The following KDM4C variants were observed in gnomAD, a reference collection of about 807,000 sequenced individuals.
KDM4C encodes lysine-specific demethylase 4C.
A neutral mutation model predicts 129.3 loss-of-function variants in KDM4C; 81 were observed. That is an observed-to-expected ratio of 0.63 (90% CI 0.52 to 0.75). KDM4C has a LOEUF of 0.75. Among genes scored for constraint, KDM4C ranks in the 30% least tolerant of loss-of-function variants. The pLI is 0.00. For synonymous variants in KDM4C, 573 were observed against 456.1 expected (o/e 1.26, Z -3.26); for missense variants, 1,457 against 1,304.0 (o/e 1.12, Z -1.81).
chr9:7,165,062 T>A (rs1024104854), intron 19 of KDM4C, among the ~76,000 whole-genome samples, 176 bp from the exon 20 acceptor site: 13 of 152,114 alleles, frequency 8.5e-5, no homozygotes, highest in Admixed American at 7.9e-4. Flanking sequence ...GTAGGCTGAA[T>A]CTTTAAATAC....
intron 4 of KDM4C, among the ~76,000 whole-genome samples, chr9:6,829,221 C>G (rs1462124295): frequency 6.6e-6 from 1 of 152,190 alleles, no homozygotes; most frequent in Non-Finnish European, 1.5e-5. Flanking sequence ...GTGAAGATTA[C>G]TGGGCACTGG....
Position 6,986,613 on chromosome 9 carries a change from G to T in KDM4C, c.1624G>T (p.Gly542Trp). 1 of 1,613,906 alleles carries T rather than the reference G, an allele frequency of 6.2e-7. No individual in the cohort carries two copies. Among genetic ancestry groups the T allele is most frequent in the South Asian group, 1.1e-5 (1 of 91,062 alleles). Residue 542 changes from glycine to tryptophan, a missense_variant, in exon 11 of 22, where the codon GGG (glycine) becomes TGG (tryptophan). Coordinates refer to ENST00000381309, the MANE Select transcript of KDM4C (RefSeq NM_015061.6). ...VESHGNGLEP[G>W]EIPAVPSGER... ...GAGCCATGGGAATGGCCTTGAACCT[G>T]GGGAAATCCCAGCGGTCCCCAGTGG... is the stretch of plus-strand genomic sequence containing the variant.
chr9:6,761,172 G>C (rs1819417524), intron 1 of KDM4C, among the ~76,000 whole-genome samples: 1 of 151,690 alleles, frequency 6.6e-6, no homozygotes, highest in Non-Finnish European at 1.5e-5. Context: ...ATCATGCTTG[G>C]CTAATTTTTG....
chr9:6,807,273 G>A (rs1350645739), intron 3 of KDM4C, among the ~76,000 whole-genome samples: 4 of 152,030 alleles, frequency 2.6e-5, no homozygotes, highest in African/African-American at 9.7e-5. Context: ...CTCCCAAAGT[G>A]CCGAGATTGC....
At chr9:7,120,572 C>T (rs979342298) in intron 18 of KDM4C, among the ~76,000 whole-genome samples, 46 of 152,086 alleles carry the variant, frequency 3.0e-4, no homozygotes, top group Non-Finnish European at 6.3e-4. Context: ...AATACAGCCC[C>T]AAACCTGAGA....
chr9:7,020,395 A>C (rs767415861), intron 15 of KDM4C, among the ~76,000 whole-genome samples: 1 of 152,170 alleles, frequency 6.6e-6, no homozygotes, highest in Non-Finnish European at 1.5e-5. Flanking sequence ...AATAGGCACA[A>C]CTATCTGACA....
At chr9:6,762,990 C>G (rs1437032897) in intron 1 of KDM4C, among the ~76,000 whole-genome samples, 2 of 151,992 alleles carry the variant, frequency 1.3e-5, no homozygotes, top group Admixed American at 6.6e-5. Context: ...CCCCGACCCT[C>G]TAAAGATTCC....
chr9:7,128,274 AT>A, intron 19 of KDM4C, 38 bp downstream of exon 19: 1 of 1,442,188 alleles, frequency 6.9e-7, no homozygotes, highest in South Asian at 1.6e-5. Context: ...ACCCAGAGTA[AT>A]TTAAAAAAAA....
At chr9:6,740,414 A>G (rs551428959) in intron 1 of KDM4C, among the ~76,000 whole-genome samples, 7 of 151,866 alleles carry the variant, frequency 4.6e-5, no homozygotes, top group Non-Finnish European at 7.4e-5. Context: ...CGTGTTAGCC[A>G]GGATGGTCTT....
intron 20 of KDM4C, among the ~76,000 whole-genome samples, chr9:7,167,448 C>A (rs1440922563): frequency 6.6e-6 from 1 of 152,164 alleles, no homozygotes; most frequent in Non-Finnish European, 1.5e-5. Flanking sequence ...AAAGTAGGCA[C>A]AGGTGGTTCT....
intron 5 of KDM4C, among the ~76,000 whole-genome samples, chr9:6,867,674 T>C (rs1358396982): frequency 6.6e-6 from 1 of 152,252 alleles, no homozygotes; most frequent in African/African-American, 2.4e-5. Context: ...TTTATGATTT[T>C]ATATGTTTTT....
chr9:7,030,403 C>T (rs1826526608), intron 15 of KDM4C, among the ~76,000 whole-genome samples: 1 of 152,026 alleles, frequency 6.6e-6, no homozygotes, highest in South Asian at 2.1e-4. Context: ...TGTCATTATA[C>T]TTTTGTCCAA....
chr9:6,799,660 T>G (rs1828546464), intron 2 of KDM4C, among the ~76,000 whole-genome samples: 1 of 146,472 alleles, frequency 6.8e-6, no homozygotes, highest in African/African-American at 2.6e-5. Context: ...TTTTTTTTTT[T>G]ACAAAACAGA....
At chr9:6,748,663 C>G (rs746124307) in intron 1 of KDM4C, 2 of 1,088,592 alleles carry the variant, frequency 1.8e-6, no homozygotes. Context: ...TAAAAACAAA[C>G]TGTATCCTTC....
chr9:6,783,882 CAAAG>C (rs1238582865), intron 1 of KDM4C, among the ~76,000 whole-genome samples: 4 of 152,170 alleles, frequency 2.6e-5, no homozygotes, highest in African/African-American at 9.6e-5. Context: ...GGTGAACTGA[CAAAG>C]AAACCCCGTT....
intron 18 of KDM4C, 175 bp downstream of exon 18, chr9:7,104,045 T>C (rs1003078344): frequency 4.8e-5 from 29 of 608,630 alleles, no homozygotes; most frequent in Non-Finnish European, 8.0e-5. Flanking sequence ...GGTATTTGCC[T>C]AGGACCTGTC....
chr9:6,828,476 T>C (rs1383685341), intron 4 of KDM4C, among the ~76,000 whole-genome samples: 1 of 151,612 alleles, frequency 6.6e-6, no homozygotes, highest in Non-Finnish European at 1.5e-5. Context: ...AAGGAATACA[T>C]CTGCCCCAGA....
intron 18 of KDM4C, among the ~76,000 whole-genome samples, chr9:7,121,253 G>C (rs1273984221): frequency 6.6e-6 from 1 of 152,190 alleles, no homozygotes; most frequent in Non-Finnish European, 1.5e-5. Context: ...TCTGTGGTCA[G>C]CTGCAGAATA....
rs143831398 is a variant in KDM4C, at chr9:6,882,631, A to G, written c.679+2570A>G. ...TTATTTCAAAGGACAGTGTAGTGGAAGTGAGTCAATTCTTTTAGATCCTTA... is the reference window on the plus strand; with the variant it reads ...TTATTTCAAAGGACAGTGTAGTGGAGGTGAGTCAATTCTTTTAGATCCTTA... On this transcript the variant is annotated intron_variant, in intron 6 of 21. Transcript: ENST00000381309. Among the ~76,000 whole-genome samples the G allele has an allele frequency of 1.6e-3, 240 of 152,334 alleles. 1 individual carries two copies. Among genetic ancestry groups the G allele is most frequent in the South Asian group, 7.0e-3 (34 of 4,834 alleles).
Sources: gnomAD v4.1 joint callset for allele counts (sites outside exome capture counted in the v4.1 genomes callset) on GRCh38, gnomAD v4.1.1 for gene constraint, MANE v1.5 for transcripts, NCBI Gene and HGNC (gene_info 2026-07-23, HGNC 2026-07-21) for gene names.